The following SLC49A3 variants were observed in gnomAD, a reference collection of about 807,000 sequenced individuals.
SLC49A3 encodes the protein solute carrier family 49 member 3.
Under a neutral mutation model 43.8 loss-of-function variants are expected in SLC49A3, and 50 were observed. The observed-to-expected ratio is 1.14, with a 90% CI of 0.91 to 1.45. The LOEUF (loss-of-function observed/expected upper bound fraction) is 1.45, where lower values mean the gene tolerates loss of function less well. Ranked by LOEUF, SLC49A3 falls within the 40% of genes most tolerant of loss-of-function variation. The pLI, the probability that SLC49A3 is intolerant of heterozygous loss-of-function variation, is 0.00. For missense variants in SLC49A3, 906 were observed against 774.1 expected, an observed-to-expected ratio of 1.17 and a Z score of -2.02; for synonymous variants, 413 against 352.0, an observed-to-expected ratio of 1.17 and a Z score of -1.94.
chr4:681,058 A>G (rs747036138), downstream of SLC49A3: 7 of 1,573,340 alleles, frequency 4.4e-6, no homozygotes, highest in South Asian at 8.1e-5. Context: ...GCACCCCCGC[A>G]TCAGCCCGCG....
chr4:684,652 A>T, intron 5 of SLC49A3, 53 bp from the exon 6 acceptor site: 1 of 1,609,596 alleles, frequency 6.2e-7, no homozygotes. Flanking sequence ...TCCCAAACCC[A>T]TCGCCTCCTC....
chr4:686,424 G>A (rs1741049149), intron 2 of SLC49A3, 108 bp downstream of exon 2: 1 of 1,564,654 alleles, frequency 6.4e-7, no homozygotes, highest in Admixed American at 1.8e-5. Context: ...GGGGTCCCCA[G>A]CTGTTGGGAC....
Position 681,967 on chromosome 4 carries a change from C to T in SLC49A3, c.1671G>A (p.Val557=), listed in dbSNP as rs1339050409. ...ACTACAAGGCGCTCAGCTACGTGAT[C>T]ACCCACGGGGAGGAGAAGGAGGAGT... ...GSHSSFSSPW[V]IT is the part of the protein sequence containing the mutation. The change falls in exon 10 of 10, where the codon GTG becomes GTA. Residue 557 remains valine, a synonymous_variant. Coordinates refer to ENST00000322224, the MANE Select transcript of SLC49A3 (RefSeq NM_032219.4). 1 of 1,373,382 alleles carries T rather than the reference C, an allele frequency of 7.3e-7. No homozygotes were observed. Among genetic ancestry groups the T allele is most frequent in the Non-Finnish European group, 9.5e-7 (1 of 1,049,954 alleles). 85.1% of individuals were successfully genotyped at this position (1,373,382 alleles called of 1,614,324 possible).
chr4:685,188 G>A lies in SLC49A3; in HGVS notation c.586-332C>T, dbSNP rs1740738617. On this transcript the variant is annotated intron_variant, in intron 4 of 9. Transcript: ENST00000322224. The surrounding 1 kb of genome is among the most constrained non-coding windows in gnomAD (Gnocchi z 4.3). The stretch of plus-strand genomic sequence containing the variant: ...ACACACAGACACAGGTGGGTGCAGA[G>A]GCACACGTGCATACAGACTCACGCT... The A allele has an allele frequency of 2.3e-6, 1 of 427,854 alleles. No homozygotes were observed. Among genetic ancestry groups the A allele is most frequent in the Non-Finnish European group, 4.2e-6 (1 of 236,658 alleles). The allele number at this position is 427,854 out of a possible 1,614,324, so 26.5% of individuals were successfully genotyped here.
chr4:679,543 G>T (rs1739228304), downstream of SLC49A3, among the ~76,000 whole-genome samples: 1 of 152,210 alleles, frequency 6.6e-6, no homozygotes, highest in South Asian at 2.1e-4. Context: ...TGAGGCAGGA[G>T]GGCAGGGGGC....
At chr4:686,835 C>G (rs1741142810) in intron 1 of SLC49A3, 145 bp from the exon 2 acceptor site, 1 of 1,095,318 alleles carries the variant, frequency 9.1e-7, no homozygotes, top group Non-Finnish European at 1.3e-6. Context: ...CCTTCCTGCC[C>G]AAGGAGAGCG....
rs1240512294 is a variant in SLC49A3, at chr4:685,850, C to T, written c.570G>A (p.Glu190=). 1.2e-6 allele frequency: 2 copies of T among 1,613,860 alleles called. No homozygotes were observed. Among genetic ancestry groups the T allele is most frequent in the East Asian group, 4.5e-5 (2 of 44,886 alleles). ...GACCCCTCACCATTAACGGAATGTC[C>T]TCACCCTTCTTGACCAGCACAGGGG... ...VLSPVLVKKG[E]DIPLMLGVYT... The change falls in exon 4 of 10, where the codon GAG becomes GAA. Residue 190 remains glutamate (E), a synonymous_variant. Coordinates refer to ENST00000322224, the MANE Select transcript of SLC49A3 (RefSeq NM_032219.4). The surrounding 1 kb of genome is among the most constrained non-coding windows in gnomAD (Gnocchi z 4.3).
In SLC49A3 at chr4:682,156, C is replaced by T; in HGVS notation, c.1482G>A (p.Arg494=). Residue 494 remains arginine (R), a synonymous_variant, in exon 10 of 10, where the codon AGG becomes AGA. Coordinates refer to ENST00000322224, the MANE Select transcript of SLC49A3 (RefSeq NM_032219.4). ...PSTATPECTA[R]GASLEDPRGP... ...CTCTGGGGTCCTCTAGCGAGGCCCC[C>T]CTCGCCGTGCACTCCGGAGTCGCCG... is the stretch of plus-strand genomic sequence containing the variant. The T allele has an allele frequency of 1.5e-6, 2 of 1,340,354 alleles. No individual in the cohort carries two copies. Among genetic ancestry groups the T allele is most frequent in the South Asian group, 1.9e-5 (1 of 53,780 alleles). 83.0% of individuals were successfully genotyped at this position (1,340,354 alleles called of 1,614,324 possible). A position where few individuals can be genotyped will look rare whatever the true frequency, so the allele number is the denominator to read the frequency against.
chr4:678,032 G>A, downstream of SLC49A3: 1 of 1,613,398 alleles, frequency 6.2e-7, no homozygotes, highest in Non-Finnish European at 8.5e-7. Flanking sequence ...CAGGCATGGT[G>A]AGCAGGCCGC....
intron 2 of SLC49A3, 82 bp downstream of exon 2, chr4:686,450 T>C (rs916017285): frequency 1.3e-6 from 2 of 1,566,646 alleles, no homozygotes; most frequent in African/African-American, 1.4e-5. Context: ...GGCCCCGGTC[T>C]GGGGAGGCCT....
At position 684,626 on chromosome 4, in the gene SLC49A3, G is replaced by A. The variant is rs199540533; in HGVS notation, c.724-27C>T. On this transcript the variant is annotated intron_variant, in intron 5 of 9. Coordinates refer to ENST00000322224, the MANE Select transcript of SLC49A3 (RefSeq NM_032219.4). ...TGCTGGGAAAGAGCGTCTCAGCCCC[G>A]GAGCCCGGGGGCCCTTCCCAAACCC... 1.6e-4 allele frequency: 252 copies of A among 1,611,902 alleles called. 1 individual carries two copies. Among genetic ancestry groups the A allele is most frequent in the East Asian group, 8.2e-4 (37 of 44,866 alleles).
At chr4:678,836 G>A, downstream of SLC49A3, 1 of 1,606,888 alleles carries the variant, frequency 6.2e-7, no homozygotes, top group Non-Finnish European at 8.5e-7. Context: ...CATGTGGGCT[G>A]GCTCCAGGGC....
At position 682,396 on chromosome 4, in the gene SLC49A3, C is replaced by G; in HGVS notation, c.1262-20G>C. On this transcript the variant is annotated intron_variant, in intron 9 of 9. Coordinates refer to ENST00000322224, the MANE Select transcript of SLC49A3 (RefSeq NM_032219.4). ...GAGACACTGGGGACACATAGCACAG[C>G]TGTCCCCACAGCCAAGCCCAGGGGC... The G allele has an allele frequency of 7.5e-7, 1 of 1,327,496 alleles. No individual in the cohort carries two copies. Among genetic ancestry groups the G allele is most frequent in the Non-Finnish European group, 9.7e-7 (1 of 1,030,608 alleles). The allele number at this position is 1,327,496 out of a possible 1,614,324, so 82.2% of individuals were successfully genotyped here.
chr4:678,516 A>G, downstream of SLC49A3: 2 of 1,447,850 alleles, frequency 1.4e-6, no homozygotes, highest in South Asian at 1.5e-5. Context: ...TGAGGCTGGC[A>G]TGCTCCTCAG....
At position 685,038 on chromosome 4, in the gene SLC49A3, C is replaced by A; in HGVS notation, c.586-182G>T. On this transcript the variant is annotated intron_variant, in intron 4 of 9. Coordinates refer to ENST00000322224, the MANE Select transcript of SLC49A3 (RefSeq NM_032219.4). The surrounding 1 kb of genome is among the most constrained non-coding windows in gnomAD (Gnocchi z 4.3). The stretch of plus-strand genomic sequence containing the variant: ...CTGGGAGGGGCCTGCTCCAGGGGCT[C>A]ATGGGGACCCCTGGCTGTCAACGCA... 1.3e-6 allele frequency: 1 copy of A among 770,616 alleles called. No homozygotes were observed. The highest frequency in any genetic ancestry group is 2.0e-6 in the Non-Finnish European group (1 of 505,648). 47.7% of individuals were successfully genotyped at this position (770,616 alleles called of 1,614,324 possible). A position where few individuals can be genotyped will look rare whatever the true frequency, so the allele number is the denominator to read the frequency against.
chr4:679,254 A>C, downstream of SLC49A3: 2 of 660,810 alleles, frequency 3.0e-6, no homozygotes, highest in Non-Finnish European at 5.4e-6. Context: ...GGGACAGCCC[A>C]AGCCTGGAAA....
At chr4:680,562 G>T, downstream of SLC49A3, 1 of 1,613,358 alleles carries the variant, frequency 6.2e-7, no homozygotes, top group Non-Finnish European at 8.5e-7. Context: ...GGACCCGGAC[G>T]GGAAAGGGAA....
At chr4:684,655 G>C (rs969054686) in intron 5 of SLC49A3, 56 bp from the exon 6 acceptor site, 1 of 1,607,930 alleles carries the variant, frequency 6.2e-7, no homozygotes, top group East Asian at 2.2e-5. Flanking sequence ...CAAACCCATC[G>C]CCTCCTCAGC....
Position 683,330 on chromosome 4 carries a change from G to A in SLC49A3, c.1031C>T (p.Ala344Val), listed in dbSNP as rs1292143815. The change falls in exon 8 of 10, where the codon GCC becomes GTC. Residue 344 changes from alanine to valine, a missense_variant. Coordinates refer to ENST00000322224, the MANE Select transcript of SLC49A3 (RefSeq NM_032219.4). ...QLQGQTLALAATCSLLGLFGF... is the reference protein window; with the variant it reads ...QLQGQTLALAVTCSLLGLFGF... ...AAACAGCCCGAGCAGCGAGCAGGTG[G>A]CAGCCAGGGCAAGGGTCTGTCCCTG... The A allele has an allele frequency of 6.2e-7, 1 of 1,612,342 alleles. No homozygotes were observed. Among genetic ancestry groups the A allele is most frequent in the Admixed American group, 1.7e-5 (1 of 59,976 alleles).
Sources: gnomAD v4.1 joint callset for allele counts (sites outside exome capture counted in the v4.1 genomes callset) on GRCh38, gnomAD v4.1.1 for gene constraint, Gnocchi (gnomAD v3.1) non-coding constraint, MANE v1.5 for transcripts, NCBI Gene and HGNC (gene_info 2026-07-23, HGNC 2026-07-21) for gene names.